Variants in RSRC2 observed in about 807,000 individuals in gnomAD.
RSRC2 encodes arginine/serine-rich coiled-coil protein 2.
A neutral mutation model predicts 61.3 loss-of-function variants in RSRC2; 5 were observed. The observed-to-expected ratio is 0.08, with a 90% CI of 0.04 to 0.17. The LOEUF is 0.17. Ranked by LOEUF, RSRC2 falls within the 10% of genes least tolerant of loss-of-function variation. The pLI, the probability that RSRC2 is intolerant of heterozygous loss-of-function variation, is 1.00. For synonymous variants in RSRC2, 202 were observed against 166.5 expected (o/e 1.21, Z -1.64); for missense variants, 381 against 518.8 (o/e 0.73, Z 2.58).
chr12:122,523,572 T>C (rs569084112), intron 1 of RSRC2: 14 of 152,214 alleles, frequency 9.2e-5, no homozygotes, highest in Non-Finnish European at 1.5e-4. Context: ...AAACAGTTTA[T>C]GGACTTTTCA....
chr12:122,512,641 A>G (rs1958612352), intron 6 of RSRC2, among the ~76,000 whole-genome samples: 1 of 151,682 alleles, frequency 6.6e-6, no homozygotes, highest in African/African-American at 2.4e-5. Context: ...CTGAGGCAGG[A>G]GAATCGCTTG....
intron 7 of RSRC2, among the ~76,000 whole-genome samples, chr12:122,509,420 A>AG (rs1339573636): frequency 2.0e-5 from 3 of 151,964 alleles, no homozygotes; most frequent in South Asian, 4.2e-4. Context: ...ACTGTACTCC[A>AG]GCACAGGCGA....
intron 7 of RSRC2, 37 bp from the exon 8 acceptor site, chr12:122,508,484 A>G: frequency 6.8e-7 from 1 of 1,466,730 alleles, no homozygotes; most frequent in Non-Finnish European, 9.4e-7. Context: ...TTTTAAAACG[A>G]TTTTAAAACA....
At chr12:122,518,752 T>G in intron 4 of RSRC2, 87 bp downstream of exon 4, 1 of 1,038,102 alleles carries the variant, frequency 9.6e-7, no homozygotes, top group South Asian at 1.4e-5. Flanking sequence ...AACTCCCTAA[T>G]TATGATTTTT....
chr12:122,526,788 C>A, intron 1 of RSRC2, 60 bp downstream of exon 1: 2 of 1,593,924 alleles, frequency 1.3e-6, no homozygotes, highest in Non-Finnish European at 1.7e-6. Context: ...GAGCCGTTCA[C>A]CCACTGTTGG....
intron 9 of RSRC2, 39 bp downstream of exon 9, chr12:122,506,795 T>A: frequency 3.4e-6 from 4 of 1,187,750 alleles, no homozygotes; most frequent in Non-Finnish European, 5.0e-6. Flanking sequence ...GGAGGGCTAA[T>A]AGCTAATACA....
Position 122,506,862 on chromosome 12 carries a change from A to G in RSRC2, c.1097T>C (p.Val366Ala), listed in dbSNP as rs764468410. ...AATACCCATCAATTTCCTAAATTTGACATTTTGGTCCTTGTTTCCAAAATT... is the reference window on the plus strand; with the variant it reads ...AATACCCATCAATTTCCTAAATTTGGCATTTTGGTCCTTGTTTCCAAAATT... ...KLNFGNKDQN[V>A]KFRKLMGIKS... Residue 366 changes from valine to alanine, a missense_variant, in exon 9 of 10, where the codon GTC becomes GCC. Transcript: ENST00000331738. 3 of 1,610,588 alleles carry G rather than the reference A, an allele frequency of 1.9e-6. No individual in the cohort carries two copies. Among genetic ancestry groups the G allele is most frequent in the Non-Finnish European group, 2.5e-6 (3 of 1,176,816 alleles).
intron 3 of RSRC2, chr12:122,520,676 T>C: frequency 3.6e-6 from 3 of 829,726 alleles, no homozygotes; most frequent in Non-Finnish European, 5.3e-6. Flanking sequence ...TAACAGAGCT[T>C]CCATTACGGG....
chr12:122,503,838 T>A lies in RSRC2; in HGVS notation c.*1689A>T, dbSNP rs1268116656. The A allele has an allele frequency of 1.3e-5, 2 of 152,158 alleles. No homozygotes were observed. The highest frequency in any genetic ancestry group is 2.9e-5 in the Non-Finnish European group (2 of 68,040). 9.4% of individuals were successfully genotyped at this position (152,158 alleles called of 1,614,324 possible). A position where few individuals can be genotyped will look rare whatever the true frequency, so the allele number is the denominator to read the frequency against. ...GGATCACACCTGTAACCCCATCACT[T>A]TGGGAGCCCTGAGGTGGGAGGATTG... On this transcript the variant is annotated 3_prime_UTR_variant, in exon 10 of 10. Coordinates refer to ENST00000331738, the MANE Select transcript of RSRC2 (RefSeq NM_023012.6).
At chr12:122,514,270 G>GTT (rs71085815) in intron 6 of RSRC2, among the ~76,000 whole-genome samples, 11 of 135,264 alleles carry the variant, frequency 8.1e-5, no homozygotes, top group Admixed American at 1.5e-4. Context: ...GTGTGTGTGT[G>GTT]TTTTTTTTTT....
chr12:122,517,468 G>A (rs994404081), intron 4 of RSRC2, 38 bp from the exon 5 acceptor site: 24 of 1,612,566 alleles, frequency 1.5e-5, no homozygotes, highest in African/African-American at 2.7e-5. Context: ...TTACTTAAAA[G>A]TTGTGTTGTT....
chr12:122,505,784 A>ATT (rs576425889), intron 9 of RSRC2, 78 bp from the exon 10 acceptor site: 152 of 1,061,532 alleles, frequency 1.4e-4, no homozygotes, highest in Middle Eastern at 3.4e-4. Flanking sequence ...TTTTTTATGT[A>ATT]TTTTTTTTTT....
rs566369231 is a variant in RSRC2, at chr12:122,525,094, C to T, written c.6+1754G>A. ...CACTTTTTAAAATACTAGAACCCGG[C>T]CGGGCGCGGTGGCTCACTCCTGTAA... On this transcript the variant is annotated intron_variant, in intron 1 of 9. Coordinates refer to ENST00000331738, the MANE Select transcript of RSRC2 (RefSeq NM_023012.6). 2.6e-5 allele frequency among the ~76,000 whole-genome samples: 4 copies of T among 152,266 alleles called. No individual in the cohort carries two copies. The South Asian group carries it at 8.3e-4, about 32-fold the overall frequency.
chr12:122,505,772 T>C (rs527989537), intron 9 of RSRC2, 66 bp from the exon 10 acceptor site: 11 of 1,356,210 alleles, frequency 8.1e-6, no homozygotes, highest in Admixed American at 6.3e-5. Context: ...CACTTGACAC[T>C]ATTTTTTATG....
At chr12:122,519,779 C>T (rs1959171519) in intron 3 of RSRC2, 1 of 152,416 alleles carries the variant, frequency 6.6e-6, no homozygotes, top group Non-Finnish European at 1.5e-5. Context: ...AGACCAAGGC[C>T]TTCACATGTG....
chr12:122,524,488 T>C (rs913866189), intron 1 of RSRC2, among the ~76,000 whole-genome samples: 2 of 152,240 alleles, frequency 1.3e-5, no homozygotes, highest in Non-Finnish European at 2.9e-5. Flanking sequence ...ATGGAAAATC[T>C]AGTGCTTAGC....
chr12:122,510,104 G>A (rs1194849368), intron 7 of RSRC2, among the ~76,000 whole-genome samples: 1 of 152,122 alleles, frequency 6.6e-6, no homozygotes, highest in Non-Finnish European at 1.5e-5. Flanking sequence ...TTACAGAAGT[G>A]AGTCACTGAG....
At chr12:122,521,321 A>C in intron 3 of RSRC2, 64 bp downstream of exon 3, 1 of 1,296,334 alleles carries the variant, frequency 7.7e-7, no homozygotes, top group Non-Finnish European at 1.1e-6. Flanking sequence ...TATTCATACA[A>C]ATCTTTCTAC....
At chr12:122,508,739 C>G (rs1958282139) in intron 7 of RSRC2, among the ~76,000 whole-genome samples, 2 of 151,270 alleles carry the variant, frequency 1.3e-5, no homozygotes, top group Admixed American at 1.3e-4. Flanking sequence ...GGCGGATCAC[C>G]TGAGGTTGGG....
Sources: allele counts gnomAD v4.1 joint callset (sites outside exome capture counted in the v4.1 genomes callset), GRCh38; gene constraint gnomAD v4.1.1; transcripts MANE v1.5; gene names NCBI Gene and HGNC (gene_info 2026-07-23, HGNC 2026-07-21).